The following RAE1 variants were observed in gnomAD, a reference collection of about 807,000 sequenced individuals.
The protein encoded by RAE1 is mRNA export factor RAE1.
In RAE1, 13 loss-of-function variants were observed where a neutral mutation model predicts 52.7. The observed-to-expected ratio is 0.25, with a 90% CI of 0.16 to 0.39. RAE1 has a LOEUF of 0.39. RAE1 is among the 10% of genes least tolerant of loss of function. The pLI is 1.00. For missense variants in RAE1, 262 were observed against 459.8 expected (o/e 0.57, Z 3.93); for synonymous variants, 164 against 153.1 (o/e 1.07, Z -0.52).
chr20:57,367,109 C>T (rs753920937), intron 7 of RAE1, 30 bp downstream of exon 7: 2 of 1,488,876 alleles, frequency 1.3e-6, no homozygotes, highest in Non-Finnish European at 1.8e-6. Context: ...TATGTATTTA[C>T]TTTAAAAAAA....
chr20:57,357,070 A>G (rs1171709569), intron 4 of RAE1, among the ~76,000 whole-genome samples: 2 of 152,232 alleles, frequency 1.3e-5, no homozygotes, highest in Non-Finnish European at 2.9e-5. Context: ...GTGCTGAAGA[A>G]GCTAAGCCTT....
chr20:57,374,143 G>T (rs1470901623), intron 10 of RAE1, among the ~76,000 whole-genome samples: 1 of 152,234 alleles, frequency 6.6e-6, no homozygotes, highest in Non-Finnish European at 1.5e-5. Context: ...GCCTCCCAAA[G>T]TGCTGGGATT....
chr20:57,375,013 A>G (rs1320293403), intron 11 of RAE1: 2 of 715,746 alleles, frequency 2.8e-6, no homozygotes, highest in South Asian at 2.9e-5. Flanking sequence ...GCACACAGGA[A>G]GTGCTCGGCC....
chr20:57,372,878 CG>C (rs1288320696), intron 8 of RAE1: 1 of 152,720 alleles, frequency 6.5e-6, no homozygotes, highest in African/African-American at 2.4e-5. Context: ...GGCTTCTCCT[CG>C]GGGTGGTCGG....
chr20:57,362,359 A>G (rs535344022), intron 4 of RAE1, among the ~76,000 whole-genome samples: 3 of 152,220 alleles, frequency 2.0e-5, no homozygotes, highest in East Asian at 3.8e-4. Context: ...GTGACACTAC[A>G]TTAATAGATA....
rs146679811 is a variant in RAE1 at position 57,353,899 on chromosome 20, G to A, written c.-7-133G>A. 1.6e-4 allele frequency: 112 copies of A among 701,660 alleles called. No homozygotes were observed. The East Asian group carries it at 2.7e-3, about 17-fold the overall frequency. 43.5% of individuals were successfully genotyped at this position (701,660 alleles called of 1,614,324 possible). A position where few individuals can be genotyped will look rare whatever the true frequency, so the allele number is the denominator to read the frequency against. ...GTTTTGAAAGCACTCTGCTCATTGC[G>A]CTCTTGTCTGAAAAGTGAAGCCTGG... On this transcript the variant is annotated intron_variant, in intron 1 of 11. Coordinates refer to ENST00000395841, the MANE Select transcript of RAE1 (RefSeq NM_003610.4).
At position 57,351,423 on chromosome 20, in the gene RAE1, G is replaced by C; in HGVS notation, c.-8+1G>C. ...CTTTCCGCCGGGGCGAGACCCCCAG[G>C]TAGGCCCCGTGCCGCGCGCGTCCCG... is the stretch of plus-strand genomic sequence containing the variant. On this transcript the variant is annotated splice_donor_variant, in intron 1 of 11. Coordinates refer to ENST00000395841, the MANE Select transcript of RAE1 (RefSeq NM_003610.4). LOFTEE classifies it low-confidence loss of function (5UTR_SPLICE). 1.0e-6 allele frequency: 1 copy of C among 985,540 alleles called. No homozygotes were observed. The highest frequency in any genetic ancestry group is 1.2e-6 in the Non-Finnish European group (1 of 830,030). 61.0% of individuals were successfully genotyped at this position (985,540 alleles called of 1,614,324 possible).
At chr20:57,352,932 T>G (rs995171750) in intron 1 of RAE1, among the ~76,000 whole-genome samples, 1 of 152,204 alleles carries the variant, frequency 6.6e-6, no homozygotes, top group Non-Finnish European at 1.5e-5. Context: ...AAGGACCACA[T>G]CCCCTCACGT....
At chr20:57,368,861 G>A in intron 8 of RAE1, 49 bp downstream of exon 8, 2 of 1,415,994 alleles carry the variant, frequency 1.4e-6, no homozygotes, top group Non-Finnish European at 2.0e-6. Flanking sequence ...CCTGTTGTAT[G>A]CAAGATTGTG....
intron 7 of RAE1, among the ~76,000 whole-genome samples, chr20:57,367,485 A>T (rs575858026): frequency 2.0e-5 from 3 of 152,002 alleles, no homozygotes; most frequent in Non-Finnish European, 4.4e-5. Flanking sequence ...GCTCACGCCT[A>T]TAATCCTAGC....
Position 57,375,203 on chromosome 20 carries a change from A to AT in RAE1, c.1020+407dup, listed in dbSNP as rs2067095533. ...TAGGAGCTGGCAGGAGTGGGGCTGC[A>AT]TTTTTGAGGCCTTTGGGCATGATGG... On this transcript the variant is annotated intron_variant, in intron 11 of 11. Transcript: ENST00000395841. 10 of 605,986 alleles carry AT rather than the reference A, an allele frequency of 1.7e-5. No homozygotes were observed. The South Asian group carries it at 1.9e-4, about 12-fold the overall frequency. The allele number at this position is 605,986 out of a possible 1,614,324, so 37.5% of individuals were successfully genotyped here. A position where few individuals can be genotyped will look rare whatever the true frequency, so the allele number is the denominator to read the frequency against.
chr20:57,353,517 C>T (rs2066740931), intron 1 of RAE1, among the ~76,000 whole-genome samples: 1 of 152,228 alleles, frequency 6.6e-6, no homozygotes, highest in African/African-American at 2.4e-5. Context: ...TGCTGATTCG[C>T]TTCCCGGACT....
chr20:57,358,931 T>C, intron 4 of RAE1: 1 of 1,398,284 alleles, frequency 7.2e-7, no homozygotes, highest in African/African-American at 1.5e-5. Context: ...CATTGATGAA[T>C]TAAAGCTCCA....
intron 7 of RAE1, among the ~76,000 whole-genome samples, chr20:57,368,313 A>G (rs1262239667): frequency 6.6e-6 from 1 of 152,180 alleles, no homozygotes; most frequent in Non-Finnish European, 1.5e-5. Context: ...TACTTGAAAA[A>G]GTGTGTGACG....
intron 4 of RAE1, among the ~76,000 whole-genome samples, chr20:57,361,987 A>C (rs1312711280): frequency 6.6e-6 from 1 of 152,194 alleles, no homozygotes; most frequent in African/African-American, 2.4e-5. Context: ...AGATTGTCAC[A>C]GGAGCTCGAA....
intron 4 of RAE1, among the ~76,000 whole-genome samples, chr20:57,356,890 C>T (rs555203943): frequency 1.3e-5 from 2 of 152,288 alleles, no homozygotes; most frequent in South Asian, 2.1e-4. Context: ...TTCCACCTGG[C>T]GCGGGAGAGC....
chr20:57,365,730 T>C (rs1458003192), intron 5 of RAE1, among the ~76,000 whole-genome samples: 1 of 152,194 alleles, frequency 6.6e-6, no homozygotes, highest in East Asian at 1.9e-4. Flanking sequence ...AGGTCATAGG[T>C]GGTCCTTGCC....
At chr20:57,351,710 C>T (rs2066712199) in intron 1 of RAE1, 3 of 985,506 alleles carry the variant, frequency 3.0e-6, no homozygotes, top group Non-Finnish European at 3.6e-6. Flanking sequence ...ACACGTCTGG[C>T]GTCTCGTCAG....
chr20:57,352,811 G>A (rs1600701285), intron 1 of RAE1, among the ~76,000 whole-genome samples: 2 of 152,208 alleles, frequency 1.3e-5, no homozygotes, highest in South Asian at 4.1e-4. Flanking sequence ...GTCCAAAGCC[G>A]TGTAACCAGC....
Sources: gnomAD v4.1 joint callset for allele counts (sites outside exome capture counted in the v4.1 genomes callset) on GRCh38, gnomAD v4.1.1 for gene constraint, MANE v1.5 for transcripts, NCBI Gene and HGNC (gene_info 2026-07-23, HGNC 2026-07-21) for gene names.